Variants in CAMK4 observed in about 807,000 individuals in gnomAD.
The protein encoded by CAMK4 is calcium/calmodulin dependent protein kinase IV.
A neutral mutation model predicts 44.9 loss-of-function variants in CAMK4; 22 were observed. The ratio of observed to expected loss-of-function variants is 0.49; its 90% CI spans 0.35 to 0.70. CAMK4 has a LOEUF of 0.70. Among genes scored for constraint, CAMK4 ranks in the 30% least tolerant of loss-of-function variants. The probability of loss-of-function intolerance (pLI) is 0.01; values close to 1 mark genes in which losing one functional copy is unlikely to be tolerated. For missense variants in CAMK4, 498 were observed against 586.8 expected, an observed-to-expected ratio of 0.85 and a Z score of 1.56; for synonymous variants, 218 against 215.4, an observed-to-expected ratio of 1.01 and a Z score of -0.11.
intron 2 of CAMK4, among the ~76,000 whole-genome samples, chr5:111,353,827 A>G (rs1460324727): frequency 2.0e-5 from 3 of 152,152 alleles, no homozygotes; most frequent in African/African-American, 2.4e-5. Context: ...ACTGTAAAAC[A>G]TTGATGAAAG....
At chr5:111,242,570 T>C (rs1383243231) in intron 1 of CAMK4, among the ~76,000 whole-genome samples, 1 of 152,114 alleles carries the variant, frequency 6.6e-6, no homozygotes, top group Non-Finnish European at 1.5e-5. Context: ...AGATGACCTT[T>C]CTAAGGCCAA....
At position 111,420,502 on chromosome 5, in the gene CAMK4, A is replaced by C. The variant is rs187512089; in HGVS notation, c.459+25720A>C. 4.5e-4 allele frequency among the ~76,000 whole-genome samples: 69 copies of C among 152,288 alleles called. No individual in the cohort carries two copies. In the East Asian group the frequency reaches 8.7e-3, roughly 19 times the overall value. On this transcript the variant is annotated intron_variant, in intron 5 of 10. Transcript: ENST00000282356. ...TTGAATAGGAGTGGTGAGAGAGGGC[A>C]TCCCTGGGAGACAGGGTTTTGAGAG...
chr5:111,298,826 C>T (rs1016349621), intron 1 of CAMK4, among the ~76,000 whole-genome samples: 1 of 152,236 alleles, frequency 6.6e-6, no homozygotes, highest in African/African-American at 2.4e-5. Flanking sequence ...AGGAGGCACC[C>T]GTGCCCCGTT....
chr5:111,286,989 A>T (rs1580533380), intron 1 of CAMK4, among the ~76,000 whole-genome samples: 1 of 152,276 alleles, frequency 6.6e-6, no homozygotes, highest in East Asian at 1.9e-4. Flanking sequence ...ATTTATCCTT[A>T]TGTAGGTTCT....
chr5:111,252,479 C>A (rs960161219), intron 1 of CAMK4, among the ~76,000 whole-genome samples: 1 of 152,102 alleles, frequency 6.6e-6, no homozygotes, highest in Non-Finnish European at 1.5e-5. Flanking sequence ...TTTCTCCTAA[C>A]CACCTTTAAA....
rs72780346 is a variant in CAMK4, at chr5:111,291,635, C to T, written c.162-52389C>T. ...CTGGGCCAAAGTGATCCTCTTGCCT[C>T]AGCCTCCTGGGACCACAGGCAAGGA... On this transcript the variant is annotated intron_variant, in intron 1 of 10. Coordinates refer to ENST00000282356, the MANE Select transcript of CAMK4 (RefSeq NM_001744.6). Among the ~76,000 whole-genome samples, 719 of 152,304 alleles carry T rather than the reference C, an allele frequency of 4.7e-3. 3 individuals carry two copies. Among genetic ancestry groups the T allele is most frequent in the Admixed American group, 8.8e-3 (134 of 15,308 alleles).
intron 5 of CAMK4, among the ~76,000 whole-genome samples, chr5:111,419,938 G>T (rs1161108206): frequency 1.3e-5 from 2 of 152,078 alleles, no homozygotes. Flanking sequence ...CTCTTTTTTG[G>T]TTCCATATGA....
At chr5:111,228,890 C>T (rs1246936866) in intron 1 of CAMK4, among the ~76,000 whole-genome samples, 1 of 152,160 alleles carries the variant, frequency 6.6e-6, no homozygotes, top group East Asian at 1.9e-4. Context: ...CCCTTCTAAA[C>T]ATTTTGGAAA....
In CAMK4 at chr5:111,416,257, A is replaced by AACAC. The variant is rs148457400; in HGVS notation, c.459+21491_459+21494dup. ...ACTCCCATATACATGCACATATATA[A>AACAC]ACACACACACACACACACAAACAAG... On this transcript the variant is annotated intron_variant, in intron 5 of 10. Coordinates refer to ENST00000282356, the MANE Select transcript of CAMK4 (RefSeq NM_001744.6). Among the ~76,000 whole-genome samples, 8 of 150,864 alleles carry AACAC rather than the reference A, an allele frequency of 5.3e-5. 1 individual carries two copies. In the East Asian group the frequency reaches 5.8e-4, roughly 11 times the overall value.
At chr5:111,265,225 G>A (rs1386898058) in intron 1 of CAMK4, among the ~76,000 whole-genome samples, 2 of 152,124 alleles carry the variant, frequency 1.3e-5, no homozygotes, top group African/African-American at 4.8e-5. Flanking sequence ...TTTCAGTGAA[G>A]TAATTAATGA....
At chr5:111,340,654 G>A (rs1172788316) in intron 1 of CAMK4, among the ~76,000 whole-genome samples, 1 of 151,102 alleles carries the variant, frequency 6.6e-6, no homozygotes, top group Non-Finnish European at 1.5e-5. Flanking sequence ...GTTCATCAGG[G>A]ATATTTTCTT....
intron 1 of CAMK4, among the ~76,000 whole-genome samples, chr5:111,264,121 T>G (rs1271924594): frequency 6.6e-6 from 1 of 152,118 alleles, no homozygotes; most frequent in Non-Finnish European, 1.5e-5. Flanking sequence ...TTAAATGTAG[T>G]TTGGTGTGAT....
At position 111,469,144 on chromosome 5, in the gene CAMK4, C is replaced by CAAAA. The variant is rs1176120789; in HGVS notation, c.626-4141_626-4138dup. Among the ~76,000 whole-genome samples the CAAAA allele has an allele frequency of 5.2e-4, 35 of 67,484 alleles. 2 individuals carry two copies. Among genetic ancestry groups the CAAAA allele is most frequent in the South Asian group, 6.9e-4 (1 of 1,446 alleles). The allele number at this position is 67,484 out of a possible 152,430, so 44.3% of individuals were successfully genotyped here. Reference sequence around the variant, plus strand: ...GGGCAACAAGAGTGAAACTCCATCTCAAAAAAAAAAAAAAAAAAAAAAAAA... The same window carrying CAAAA: ...GGGCAACAAGAGTGAAACTCCATCTCAAAAAAAAAAAAAAAAAAAAAAAAAAAAA... On this transcript the variant is annotated intron_variant, in intron 7 of 10. Coordinates refer to ENST00000282356, the MANE Select transcript of CAMK4 (RefSeq NM_001744.6).
At chr5:111,398,176 C>T (rs945525642) in intron 5 of CAMK4, among the ~76,000 whole-genome samples, 1 of 152,198 alleles carries the variant, frequency 6.6e-6, no homozygotes, top group African/African-American at 2.4e-5. Flanking sequence ...ACTTAACCAT[C>T]TTGCATTAGC....
intron 1 of CAMK4, among the ~76,000 whole-genome samples, chr5:111,293,048 G>A (rs1309981233): frequency 3.9e-5 from 6 of 152,212 alleles, no homozygotes; most frequent in African/African-American, 1.4e-4. Flanking sequence ...TTTTATATCG[G>A]AAGCATTGAC....
intron 2 of CAMK4, among the ~76,000 whole-genome samples, chr5:111,360,161 A>G (rs937522177): frequency 6.6e-6 from 1 of 152,106 alleles, no homozygotes; most frequent in African/African-American, 2.4e-5. Context: ...AAAAATTTCC[A>G]GTCAAAGATA....
chr5:111,367,111 C>G (rs553874616), intron 2 of CAMK4, among the ~76,000 whole-genome samples: 1 of 150,400 alleles, frequency 6.6e-6, no homozygotes, highest in Non-Finnish European at 1.5e-5. Flanking sequence ...TTTAGTTTAC[C>G]TGGTGTCTTA....
In CAMK4 at chr5:111,422,419, A is replaced by C. The variant is rs181293122; in HGVS notation, c.460-24267A>C. ...GAAACTCAGAGATGGGCCTTTGCAT[A>C]GTTGCTCACCAGTGAAACCCCAGGC... On this transcript the variant is annotated intron_variant, in intron 5 of 10. Transcript: ENST00000282356. Among the ~76,000 whole-genome samples the C allele has an allele frequency of 1.6e-3, 240 of 152,324 alleles. 1 individual carries two copies. The highest frequency in any genetic ancestry group is 5.5e-3 in the African/African-American group (227 of 41,570).
chr5:111,257,853 G>A (rs1749807302), intron 1 of CAMK4, among the ~76,000 whole-genome samples: 1 of 152,182 alleles, frequency 6.6e-6, no homozygotes, highest in Non-Finnish European at 1.5e-5. Flanking sequence ...GCAGGACATG[G>A]ATGGACCTGG....
Sources: gnomAD v4.1 joint callset for allele counts (sites outside exome capture counted in the v4.1 genomes callset) on GRCh38, gnomAD v4.1.1 for gene constraint, MANE v1.5 for transcripts, NCBI Gene and HGNC (gene_info 2026-07-23, HGNC 2026-07-21) for gene names.